GASK1A: variants seen among roughly 807,000 people sequenced by gnomAD.
The protein encoded by GASK1A is golgi associated kinase 1A.
In GASK1A, 40 loss-of-function variants were observed where a neutral mutation model predicts 41.2. That is an observed-to-expected ratio of 0.97 (90% CI 0.75 to 1.27). GASK1A has a LOEUF of 1.27. Ranked by LOEUF, GASK1A falls within the 50% of genes most tolerant of loss-of-function variation. The pLI is 0.00. For synonymous variants in GASK1A, 316 were observed against 307.1 expected (o/e 1.03, Z -0.30); for missense variants, 678 against 745.1 (o/e 0.91, Z 1.05).
At chr3:42,995,131 A>T (rs1314406818) in intron 1 of GASK1A, among the ~76,000 whole-genome samples, 1 of 152,240 alleles carries the variant, frequency 6.6e-6, no homozygotes, top group East Asian at 1.9e-4. Flanking sequence ...GGCTGCTAGC[A>T]TAAGTGAAGG....
chr3:43,055,733 T>C (rs1414035994), intron 4 of GASK1A, 198 bp downstream of exon 4: 2 of 565,320 alleles, frequency 3.5e-6, no homozygotes, highest in Admixed American at 3.0e-5. Flanking sequence ...TACCCCAATA[T>C]CCAGAGGGCC....
chr3:43,042,580 T>C (rs1479129606), intron 2 of GASK1A, among the ~76,000 whole-genome samples: 1 of 152,194 alleles, frequency 6.6e-6, no homozygotes, highest in Non-Finnish European at 1.5e-5. Context: ...CACCATATTT[T>C]CCCCCGTAAT....
In GASK1A at chr3:43,012,168, G is replaced by A. The variant is rs543454123; in HGVS notation, c.4-20099G>A. 4.6e-5 allele frequency among the ~76,000 whole-genome samples: 7 copies of A among 151,996 alleles called. No homozygotes were observed. The East Asian group carries it at 1.4e-3, about 30-fold the overall frequency. ...AGGGACTGTGGAAAGTCACAGGAAG[G>A]GGCAGAGGGAAGTCACAGGAAGAGG... On this transcript the variant is annotated intron_variant, in intron 1 of 4. Coordinates refer to ENST00000430121, the MANE Select transcript of GASK1A (RefSeq NM_001129908.3).
Position 43,032,825 on chromosome 3 carries a change from A to G in GASK1A, c.562A>G (p.Thr188Ala), listed in dbSNP as rs1427666828. ...DMAALPAWRA[T>A]SGLTLWPHTA... ...GGCAGCTTTACCGGCTTGGAGAGCT[A>G]CTTCTGGGCTGACACTCTGGCCCCA... Residue 188 changes from threonine (T) to alanine (A), a missense_variant, in exon 2 of 5, where the codon ACT (threonine) becomes GCT (alanine). By Grantham distance (58) the Thr-to-Ala change is moderately conservative (BLOSUM62 0). Transcript: ENST00000430121. 1.9e-6 allele frequency: 3 copies of G among 1,548,716 alleles called. No homozygotes were observed. In the African/African-American group the frequency reaches 4.1e-5, roughly 21 times the overall value.
At position 43,033,251 on chromosome 3, in the gene GASK1A, C is replaced by T; in HGVS notation, c.988C>T (p.Leu330=). 6.4e-7 allele frequency: 1 copy of T among 1,551,730 alleles called. No homozygotes were observed. The highest frequency in any genetic ancestry group is 8.7e-7 in the Non-Finnish European group (1 of 1,146,998). ...GAGGCCTGGGGACCTGCCTGAGGTC[C>T]TGTCCTTCCACGTAGATCGTGTGCT... The part of the protein sequence containing the change: ...IKRPGDLPEV[L]SFHVDRVLGL... The change falls in exon 2 of 5, where the codon CTG becomes TTG. Residue 330 remains leucine, a synonymous_variant. Coordinates refer to ENST00000430121, the MANE Select transcript of GASK1A (RefSeq NM_001129908.3).
At chr3:43,041,985 C>A (rs1208429067) in intron 2 of GASK1A, among the ~76,000 whole-genome samples, 1 of 152,056 alleles carries the variant, frequency 6.6e-6, no homozygotes, top group African/African-American at 2.4e-5. Context: ...GGGCATGGGC[C>A]ACCAGGGACA....
intron 2 of GASK1A, among the ~76,000 whole-genome samples, chr3:43,036,818 A>T (rs771676115): frequency 6.6e-5 from 10 of 152,170 alleles, no homozygotes; most frequent in Non-Finnish European, 1.2e-4. Context: ...TCAGCTGGCA[A>T]CCTGAACAGC....
intron 1 of GASK1A, among the ~76,000 whole-genome samples, chr3:42,988,540 G>A (rs1343867364): frequency 1.3e-5 from 2 of 152,236 alleles, no homozygotes; most frequent in South Asian, 2.1e-4. Context: ...CAGAGACACA[G>A]GGATGCGAGA....
At position 42,984,979 on chromosome 3, in the gene GASK1A, T is replaced by C. The variant is rs189818239; in HGVS notation, c.3+5334T>C. On this transcript the variant is annotated intron_variant, in intron 1 of 4. Transcript: ENST00000430121. This position sits in a 1 kb window ranked among gnomAD's most constrained non-coding sequence, Gnocchi z 4.2. ...ACTTTAGGTTGTAAATTGACTGTTA[T>C]CTCTCGAGGCAAGCTCCTGGTGGAA... 6.6e-6 allele frequency among the ~76,000 whole-genome samples: 1 copy of C among 152,180 alleles called. No homozygotes were observed. Among genetic ancestry groups the C allele is most frequent in the African/African-American group, 2.4e-5 (1 of 41,514 alleles).
chr3:43,003,863 G>A (rs1222778069), intron 1 of GASK1A, among the ~76,000 whole-genome samples: 1 of 152,190 alleles, frequency 6.6e-6, no homozygotes, highest in Non-Finnish European at 1.5e-5. Flanking sequence ...TACCAGTAAA[G>A]GTGTATGACC....
At chr3:43,051,699 A>G (rs919339862) in intron 2 of GASK1A, among the ~76,000 whole-genome samples, 5 of 152,162 alleles carry the variant, frequency 3.3e-5, no homozygotes, top group African/African-American at 1.2e-4. Flanking sequence ...TTGCCAGTAA[A>G]TGTTCTCAAC....
intron 1 of GASK1A, among the ~76,000 whole-genome samples, chr3:42,990,622 G>T (rs1222942829): frequency 6.6e-6 from 1 of 152,178 alleles, no homozygotes; most frequent in Non-Finnish European, 1.5e-5. Context: ...GGGGAGGATG[G>T]GGGGCAGCCT....
intron 1 of GASK1A, among the ~76,000 whole-genome samples, chr3:43,018,346 A>C (rs1477889235): frequency 6.6e-6 from 1 of 152,170 alleles, no homozygotes; most frequent in Non-Finnish European, 1.5e-5. Flanking sequence ...GTGCTCAATA[A>C]GTGGTCATTT....
At chr3:43,003,214 G>A (rs1166308080) in intron 1 of GASK1A, among the ~76,000 whole-genome samples, 1 of 152,138 alleles carries the variant, frequency 6.6e-6, no homozygotes, top group African/African-American at 2.4e-5. Flanking sequence ...AACCTTAGAG[G>A]CCAGACGCAG....
At chr3:42,983,361 G>A (rs2089291459) in intron 1 of GASK1A, among the ~76,000 whole-genome samples, 1 of 152,128 alleles carries the variant, frequency 6.6e-6, no homozygotes, top group Admixed American at 6.5e-5. Context: ...TGGTAAGGAA[G>A]TCACAGGTGC....
At chr3:42,995,685 T>G (rs17455509) in intron 1 of GASK1A, among the ~76,000 whole-genome samples, 25,447 of 152,062 alleles carry the variant, frequency 0.17, 2,624 homozygotes, top group Non-Finnish European at 0.23. Context: ...TGTTGTCATG[T>G]GTTTGGTCAA....
intron 1 of GASK1A, among the ~76,000 whole-genome samples, chr3:43,015,654 AG>A (rs2089487221): frequency 6.6e-6 from 1 of 151,942 alleles, no homozygotes. Flanking sequence ...GTGAAGCCAC[AG>A]GAAGGGGCAG....
In GASK1A at chr3:43,046,855, A is replaced by G. The variant is rs112786686; in HGVS notation, c.1291-6666A>G. Among the ~76,000 whole-genome samples, 572 of 152,362 alleles carry G rather than the reference A, an allele frequency of 3.8e-3. 5 individuals carry two copies. The highest frequency in any genetic ancestry group is 0.013 in the African/African-American group (551 of 41,582). On this transcript the variant is annotated intron_variant, in intron 2 of 4. Transcript: ENST00000430121. The stretch of plus-strand genomic sequence containing the variant: ...CCAAAAAGGGGCCAAAGTACAGCTC[A>G]AGCCATTGCTTCAGAGGGTACAAGC...
chr3:43,010,553 C>T (rs753895889), intron 1 of GASK1A, among the ~76,000 whole-genome samples: 8 of 152,188 alleles, frequency 5.3e-5, no homozygotes, highest in South Asian at 4.1e-4. Context: ...AATTGCTTTT[C>T]GTATTTCATG....
Sources: allele counts gnomAD v4.1 joint callset (sites outside exome capture counted in the v4.1 genomes callset), GRCh38; gene constraint gnomAD v4.1.1; non-coding constraint Gnocchi (gnomAD v3.1); transcripts MANE v1.5; gene names NCBI Gene and HGNC (gene_info 2026-07-23, HGNC 2026-07-21).